The following SGF29 variants were observed in gnomAD, a reference collection of about 807,000 sequenced individuals.
SGF29 encodes the protein SAGA-associated factor 29.
SGF29 carries 15 observed loss-of-function variants against 38.1 expected under a neutral mutation model. The ratio of observed to expected loss-of-function variants is 0.39; its 90% CI spans 0.26 to 0.61. The LOEUF (loss-of-function observed/expected upper bound fraction) is 0.61, where lower values mean the gene tolerates loss of function less well. SGF29 is among the 20% of genes least tolerant of loss of function. The pLI is 0.49. For synonymous variants in SGF29, 151 were observed against 160.8 expected, an observed-to-expected ratio of 0.94 and a Z score of 0.46; for missense variants, 184 against 394.6, an observed-to-expected ratio of 0.47 and a Z score of 4.52.
chr16:28,554,320 G>A (rs2046732520), intron 1 of SGF29, among the ~76,000 whole-genome samples: 2 of 151,792 alleles, frequency 1.3e-5, no homozygotes, highest in Non-Finnish European at 2.9e-5. Context: ...GGCCGCTCGA[G>A]GTCTGCGCTT....
At chr16:28,556,100 C>T (rs1035280972) in intron 1 of SGF29, among the ~76,000 whole-genome samples, 6 of 152,138 alleles carry the variant, frequency 3.9e-5, no homozygotes, top group Non-Finnish European at 7.3e-5. Context: ...AGTTGCAATA[C>T]AGAGGCATGA....
At chr16:28,588,995 G>T in intron 4 of SGF29, 105 bp from the exon 5 acceptor site, 1 of 1,229,944 alleles carries the variant, frequency 8.1e-7, no homozygotes, top group South Asian at 1.3e-5. Flanking sequence ...TGGAGTCCGG[G>T]ACCAGCCTGG....
At chr16:28,588,390 C>T (rs1296607903) in intron 4 of SGF29, among the ~76,000 whole-genome samples, 1 of 152,132 alleles carries the variant, frequency 6.6e-6, no homozygotes, top group Non-Finnish European at 1.5e-5. Flanking sequence ...GACCTGAGGC[C>T]CCCTCTCCTC....
chr16:28,574,809 C>CA (rs2046884082), intron 1 of SGF29, among the ~76,000 whole-genome samples: 1 of 152,204 alleles, frequency 6.6e-6, no homozygotes, highest in South Asian at 2.1e-4. Context: ...AAGACTTTAG[C>CA]AACAGCCTGC....
chr16:28,578,891 G>A (rs1471540179), intron 1 of SGF29, among the ~76,000 whole-genome samples: 1 of 152,096 alleles, frequency 6.6e-6, no homozygotes, highest in Non-Finnish European at 1.5e-5. Context: ...GCAGTGAGCA[G>A]AGATCGCACC....
chr16:28,587,722 G>A (rs888423465), intron 4 of SGF29, among the ~76,000 whole-genome samples: 8 of 152,208 alleles, frequency 5.3e-5, no homozygotes, highest in Non-Finnish European at 8.8e-5. Context: ...GCTTGCCAGA[G>A]GAATGGACTG....
intron 1 of SGF29, among the ~76,000 whole-genome samples, chr16:28,563,245 C>T (rs151168134): frequency 2.6e-4 from 39 of 152,250 alleles, no homozygotes; most frequent in African/African-American, 8.2e-4. Context: ...AGGATGTTTG[C>T]GTGGTAAGAG....
chr16:28,586,731 T>C (rs1408958274), intron 4 of SGF29, among the ~76,000 whole-genome samples: 1 of 152,148 alleles, frequency 6.6e-6, no homozygotes, highest in Non-Finnish European at 1.5e-5. Flanking sequence ...TTTACACTTT[T>C]GGCACAGAAG....
At chr16:28,588,975 T>TGAGAA (rs1412357195) in intron 4 of SGF29, 125 bp from the exon 5 acceptor site, 5 of 961,666 alleles carry the variant, frequency 5.2e-6, no homozygotes, top group Non-Finnish European at 6.5e-6. Context: ...GAGGCTACTG[T>TGAGAA]GAGAACCTCT....
At chr16:28,557,733 A>G (rs151091024) in intron 1 of SGF29, among the ~76,000 whole-genome samples, 2,344 of 152,286 alleles carry the variant, frequency 0.015, 16 homozygotes, top group Non-Finnish European at 0.026. Flanking sequence ...GAGGACATCC[A>G]GCGTGTATCC....
At chr16:28,578,246 T>C (rs958801305) in intron 1 of SGF29, among the ~76,000 whole-genome samples, 2 of 151,916 alleles carry the variant, frequency 1.3e-5, no homozygotes, top group Non-Finnish European at 2.9e-5. Flanking sequence ...AATGGATTCC[T>C]TAGGGTTTTC....
intron 1 of SGF29, among the ~76,000 whole-genome samples, chr16:28,561,482 A>C (rs2046789498): frequency 6.6e-6 from 1 of 151,568 alleles, no homozygotes; most frequent in Non-Finnish European, 1.5e-5. Flanking sequence ...GCAGTGAGCC[A>C]AGATCGCACC....
rs1567285700 is a variant in SGF29 at position 28,564,594 on chromosome 16, CACATATATGTGTATATATATACATATAT to C, written c.-16+10498_-16+10525del. 6.6e-5 allele frequency among the ~76,000 whole-genome samples: 8 copies of C among 120,726 alleles called. No homozygotes were observed. The East Asian group carries it at 1.7e-3, about 26-fold the overall frequency. 79.2% of individuals were successfully genotyped at this position (120,726 alleles called of 152,430 possible). A position where few individuals can be genotyped will look rare whatever the true frequency, so the allele number is the denominator to read the frequency against. On this transcript the variant is annotated intron_variant, in intron 1 of 9. Coordinates refer to ENST00000317058, the MANE Select transcript of SGF29 (RefSeq NM_138414.3). The stretch of plus-strand genomic sequence containing the variant: ...ATATATATACACGTATATATATACA[CACATATATGTGTATATATATACATATAT>C]GCATATATATACGTATATATGTGTA...
At chr16:28,568,478 T>A (rs1399101111) in intron 1 of SGF29, among the ~76,000 whole-genome samples, 1 of 151,992 alleles carries the variant, frequency 6.6e-6, no homozygotes, top group Admixed American at 6.6e-5. Context: ...TGAGTTAGTT[T>A]AGAGCTCACA....
chr16:28,585,058 CG>C, intron 3 of SGF29, 70 bp downstream of exon 3: 1 of 1,185,838 alleles, frequency 8.4e-7, no homozygotes, highest in Non-Finnish European at 1.2e-6. Flanking sequence ...AGACTGTGAC[CG>C]AGGTGGTCAT....
chr16:28,590,168 C>G lies in SGF29; in HGVS notation c.362C>G (p.Thr121Ser). Reference protein sequence around the residue: ...RKTMRRGVLMTLLQQSAMTLP... With the variant: ...RKTMRRGVLMSLLQQSAMTLP... The stretch of plus-strand genomic sequence containing the variant: ...ACCATGCGCAGAGGGGTGCTGATGA[C>G]CCTGCTGCAGCAGTCGGCCATGACC... The change falls in exon 6 of 10, where the codon ACC becomes AGC. Residue 121 changes from threonine to serine, a missense_variant. Thr to Ser is a moderately conservative substitution (Grantham distance 58). Transcript: ENST00000317058. The surrounding 1 kb of genome is among the most constrained non-coding windows in gnomAD (Gnocchi z 8.2). 6.2e-7 allele frequency: 1 copy of G among 1,611,298 alleles called. No individual in the cohort carries two copies. Among genetic ancestry groups the G allele is most frequent in the Non-Finnish European group, 8.5e-7 (1 of 1,179,044 alleles).
At position 28,590,681 on chromosome 16, in the gene SGF29, C is replaced by T; in HGVS notation, c.602+15C>T. The T allele has an allele frequency of 1.2e-6, 2 of 1,614,070 alleles. No homozygotes were observed. On this transcript the variant is annotated intron_variant, in intron 8 of 9. Transcript: ENST00000317058. The surrounding 1 kb of genome is among the most constrained non-coding windows in gnomAD (Gnocchi z 8.2). ...GAAGGCAAAGAGTGAGTGTCCAGGCCAGGGCAGGGCATGGAGCCTGGGGGC... is the reference window on the plus strand; with the variant it reads ...GAAGGCAAAGAGTGAGTGTCCAGGCTAGGGCAGGGCATGGAGCCTGGGGGC...
intron 1 of SGF29, among the ~76,000 whole-genome samples, chr16:28,579,682 G>A (rs2046914674): frequency 6.6e-6 from 1 of 151,964 alleles, no homozygotes; most frequent in African/African-American, 2.4e-5. Flanking sequence ...TGTAATCCCA[G>A]CACTGTGGGA....
chr16:28,562,931 T>G (rs1012720586), intron 1 of SGF29, among the ~76,000 whole-genome samples: 1 of 143,638 alleles, frequency 7.0e-6, no homozygotes, highest in Non-Finnish European at 1.5e-5. Flanking sequence ...AAAAAAAGAC[T>G]TAGTTCTTCT....
Sources: allele counts gnomAD v4.1 joint callset (sites outside exome capture counted in the v4.1 genomes callset), GRCh38; gene constraint gnomAD v4.1.1; non-coding constraint Gnocchi (gnomAD v3.1); transcripts MANE v1.5; gene names NCBI Gene and HGNC (gene_info 2026-07-23, HGNC 2026-07-21).